SAP130: variants seen among roughly 807,000 people sequenced by gnomAD.
SAP130 encodes the protein Sin3A associated protein 130.
SAP130 carries 16 observed loss-of-function variants against 103.2 expected under a neutral mutation model. The ratio of observed to expected loss-of-function variants is 0.16; its 90% confidence interval spans 0.10 to 0.24. SAP130 has a LOEUF of 0.24. SAP130 is among the 10% of genes least tolerant of loss of function. The pLI, the probability that SAP130 is intolerant of heterozygous loss-of-function variation, is 1.00. For synonymous variants in SAP130, 477 were observed against 497.0 expected, an observed-to-expected ratio of 0.96 and a Z score of 0.53; for missense variants, 990 against 1,359.7, an observed-to-expected ratio of 0.73 and a Z score of 4.28.
At chr2:128,017,937 A>T in intron 2 of SAP130, 22 bp from the exon 3 acceptor site, 2 of 1,573,286 alleles carry the variant, frequency 1.3e-6, no homozygotes, top group African/African-American at 2.7e-5. Context: ...ATTAAGAGTG[A>T]GACAGTATGT....
chr2:127,961,619 C>CAT (rs1197742797), intron 15 of SAP130, among the ~76,000 whole-genome samples: 1 of 150,322 alleles, frequency 6.7e-6, no homozygotes, highest in Admixed American at 6.7e-5. Context: ...AAGACCAATA[C>CAT]AGGTAACAAC....
At chr2:127,966,912 A>T (rs1573682707) in intron 15 of SAP130, among the ~76,000 whole-genome samples, 2 of 152,308 alleles carry the variant, frequency 1.3e-5, no homozygotes, top group South Asian at 2.1e-4. Flanking sequence ...AATTCATATC[A>T]ATCTAGTTTG....
chr2:127,985,885 CGA>C (rs1292641319), intron 14 of SAP130, among the ~76,000 whole-genome samples: 1 of 151,676 alleles, frequency 6.6e-6, no homozygotes, highest in Non-Finnish European at 1.5e-5. Flanking sequence ...AGCTGGACGG[CGA>C]GAGGACAGCA....
In SAP130 at chr2:127,989,491, G is replaced by A. The variant is rs1682635714; in HGVS notation, c.1780+73C>T. ...GAAATTATAAGACGACAAAGCCAGTGGCAGAGAAAGGATTTAAACCCAAAT... is the reference window on the plus strand; with the variant it reads ...GAAATTATAAGACGACAAAGCCAGTAGCAGAGAAAGGATTTAAACCCAAAT... On this transcript the variant is annotated intron_variant, in intron 13 of 20. Transcript: ENST00000643581. This position sits in a 1 kb window ranked among gnomAD's most constrained non-coding sequence, Gnocchi z 4.6. The A allele has an allele frequency of 1.5e-6, 2 of 1,322,328 alleles. No individual in the cohort carries two copies. Among genetic ancestry groups the A allele is most frequent in the Non-Finnish European group, 2.1e-6 (2 of 957,332 alleles). The allele number at this position is 1,322,328 out of a possible 1,614,324, so 81.9% of individuals were successfully genotyped here.
At chr2:127,976,989 T>C (rs1459134855) in intron 15 of SAP130, among the ~76,000 whole-genome samples, 7 of 152,054 alleles carry the variant, frequency 4.6e-5, no homozygotes, top group East Asian at 1.9e-4. Context: ...AGAACTATTA[T>C]CTTGATCATA....
At chr2:127,943,737 C>T (rs1678869880) in intron 19 of SAP130, among the ~76,000 whole-genome samples, 1 of 152,208 alleles carries the variant, frequency 6.6e-6, no homozygotes, top group Admixed American at 6.5e-5. Context: ...CTGTGTGAGT[C>T]AGTGGGTGAG....
chr2:127,999,952 T>G, intron 9 of SAP130, 104 bp downstream of exon 9: 1 of 1,447,160 alleles, frequency 6.9e-7, no homozygotes, highest in South Asian at 1.2e-5. Flanking sequence ...AGAATTTTTC[T>G]AGCCCGTTGT....
In SAP130 at chr2:127,986,662, A is replaced by G; in HGVS notation, c.1958+123T>C. 8.8e-7 allele frequency: 1 copy of G among 1,130,340 alleles called. No homozygotes were observed. The highest frequency in any genetic ancestry group is 1.3e-6 in the Non-Finnish European group (1 of 784,066). 70.0% of individuals were successfully genotyped at this position (1,130,340 alleles called of 1,614,324 possible). ...CTGTGGTCAAGTTGTTTTGGAGGAAATTTTAACACACCACAGAAAATGAGA... is the reference window on the plus strand; with the variant it reads ...CTGTGGTCAAGTTGTTTTGGAGGAAGTTTTAACACACCACAGAAAATGAGA... On this transcript the variant is annotated intron_variant, in intron 14 of 20. Transcript: ENST00000643581. This position sits in a 1 kb window ranked among gnomAD's most constrained non-coding sequence, Gnocchi z 4.7.
In SAP130 at chr2:127,942,316, T is replaced by C. The variant is rs1678765808; in HGVS notation, c.3015+108A>G. The C allele has an allele frequency of 9.3e-7, 1 of 1,079,732 alleles. No individual in the cohort carries two copies. Among genetic ancestry groups the C allele is most frequent in the Non-Finnish European group, 1.4e-6 (1 of 717,664 alleles). The allele number at this position is 1,079,732 out of a possible 1,614,324, so 66.9% of individuals were successfully genotyped here. A position where few individuals can be genotyped will look rare whatever the true frequency, so the allele number is the denominator to read the frequency against. ...TCAGGAGTGCAGGCTGAAGCACGTA[T>C]GTTTTTACTGAAGATATGAGGGAGA... On this transcript the variant is annotated intron_variant, in intron 20 of 20. Coordinates refer to ENST00000643581, the MANE Select transcript of SAP130 (RefSeq NM_001330301.2). The surrounding 1 kb of genome is among the most constrained non-coding windows in gnomAD (Gnocchi z 4.8).
rs372594553 is a variant in SAP130, at chr2:127,996,392, G to A, written c.1313C>T (p.Ala438Val). The change falls in exon 11 of 21, where the codon GCC (alanine) becomes GTC (valine). Residue 438 changes from alanine to valine, a missense_variant. Transcript: ENST00000643581. The surrounding 1 kb of genome is among the most constrained non-coding windows in gnomAD (Gnocchi z 4.3). ...TTCCATGGCCACAGGATTGGGAGAGGCCCGATGTCCGGAGATGGGAATCAG... is the reference window on the plus strand; with the variant it reads ...TTCCATGGCCACAGGATTGGGAGAGACCCGATGTCCGGAGATGGGAATCAG... The part of the protein sequence containing the change: ...SSLIPISGHR[A>V]SPNPVAMETR... The A allele has an allele frequency of 1.6e-5, 25 of 1,611,666 alleles. No individual in the cohort carries two copies. Among genetic ancestry groups the A allele is most frequent in the Non-Finnish European group, 2.0e-5 (24 of 1,179,040 alleles).
In SAP130 at chr2:127,945,769, C is replaced by T. The variant is rs1332666184; in HGVS notation, c.2798-210G>A. ...CTAGGCTCAAATGATTCTCCCACTT[C>T]GGCCTCCCAAGTAGCTGGGACTACA... On this transcript the variant is annotated intron_variant, in intron 18 of 20. Transcript: ENST00000643581. Among the ~76,000 whole-genome samples the T allele has an allele frequency of 2.0e-5, 3 of 152,110 alleles. 1 individual carries two copies. The highest frequency in any genetic ancestry group is 4.4e-5 in the Non-Finnish European group (3 of 68,020).
intron 15 of SAP130, among the ~76,000 whole-genome samples, chr2:127,957,709 TAA>T (rs1679944148): frequency 6.6e-6 from 1 of 151,782 alleles, no homozygotes; most frequent in South Asian, 2.1e-4. Flanking sequence ...GGCAAAATAT[TAA>T]AAGTTACATA....
At chr2:127,995,607 C>CA (rs1237618480) in intron 11 of SAP130, among the ~76,000 whole-genome samples, 1 of 152,134 alleles carries the variant, frequency 6.6e-6, no homozygotes, top group African/African-American at 2.4e-5. Context: ...CACTATTTTG[C>CA]AACTATCATA....
chr2:127,993,754 AT>A (rs1682978000), intron 11 of SAP130, among the ~76,000 whole-genome samples: 1 of 152,076 alleles, frequency 6.6e-6, no homozygotes, highest in Non-Finnish European at 1.5e-5. Flanking sequence ...ATTTATTTTT[AT>A]TTTTTTAGAG....
Position 128,010,284 on chromosome 2 carries a change from G to A in SAP130, c.854C>T (p.Thr285Ile), listed in dbSNP as rs1684293871. Residue 285 changes from threonine (T) to isoleucine (I), a missense_variant, in exon 7 of 21, where the codon ACT (threonine) becomes ATT (isoleucine). Thr to Ile is a moderately conservative substitution (Grantham distance 89). Coordinates refer to ENST00000643581, the MANE Select transcript of SAP130 (RefSeq NM_001330301.2). ...CCATGTATACCTAAGTGCTGAATCA[G>A]TAGCATGCGCCGCTGTCGTAGTGAT... Reference protein sequence around the residue: ...PVITTTAAHATDSALSRPTLS... With the variant: ...PVITTTAAHAIDSALSRPTLS... 1.2e-6 allele frequency: 2 copies of A among 1,613,688 alleles called. No individual in the cohort carries two copies. The highest frequency in any genetic ancestry group is 1.7e-6 in the Non-Finnish European group (2 of 1,179,980).
Position 128,000,080 on chromosome 2 carries a change from T to C in SAP130, c.1084A>G (p.Thr362Ala), listed in dbSNP as rs1683445892. The change falls in exon 9 of 21, where the codon ACC (threonine) becomes GCC (alanine). Residue 362 changes from threonine (T) to alanine (A), a missense_variant. Coordinates refer to ENST00000643581, the MANE Select transcript of SAP130 (RefSeq NM_001330301.2). ...CCAGCTGTGGTCGCTGAAGGAATGGTGTTGGTTGCCAAAATAGGTGCTACT... is the reference window on the plus strand; with the variant it reads ...CCAGCTGTGGTCGCTGAAGGAATGGCGTTGGTTGCCAAAATAGGTGCTACT... ...ATVAPILATN[T>A]IPSATTAGSV... 3 of 1,613,956 alleles carry C rather than the reference T, an allele frequency of 1.9e-6. No homozygotes were observed. Among genetic ancestry groups the C allele is most frequent in the Non-Finnish European group, 2.5e-6 (3 of 1,179,994 alleles).
At chr2:128,015,652 G>A (rs763195847) in intron 4 of SAP130, among the ~76,000 whole-genome samples, 2 of 152,012 alleles carry the variant, frequency 1.3e-5, no homozygotes, top group African/African-American at 4.8e-5. Context: ...ATAAATGTTC[G>A]CAACTAAGGC....
chr2:127,992,085 CCTTAG>C, intron 12 of SAP130, among the ~76,000 whole-genome samples: 1 of 152,058 alleles, frequency 6.6e-6, no homozygotes, highest in Non-Finnish European at 1.5e-5. Context: ...AATCCTCCCA[CCTTAG>C]CTTCCTTAGT....
chr2:128,013,119 C>T lies in SAP130; in HGVS notation c.655G>A (p.Val219Ile). 6.2e-7 allele frequency: 1 copy of T among 1,612,132 alleles called. No homozygotes were observed. The highest frequency in any genetic ancestry group is 1.1e-5 in the South Asian group (1 of 90,842). The change falls in exon 6 of 21, where the codon GTA becomes ATA. Residue 219 changes from valine (V) to isoleucine (I), a missense_variant. Physicochemically the swap from Val to Ile is conservative, Grantham distance 29. This residue lies in a region of SAP130 where 336 missense variants were observed against 520.1 expected (regional missense o/e 0.65). Transcript: ENST00000643581. ...AAAAVMSSSK[V>I]TTVLRPTSQL... ...GAGGTCGGCCTCAGGACTGTGGTTA[C>T]TTTAGAACTGGACATCACAGCAGCA... is the stretch of plus-strand genomic sequence containing the variant.
Sources: allele counts gnomAD v4.1 joint callset (sites outside exome capture counted in the v4.1 genomes callset), GRCh38; gene constraint gnomAD v4.1.1; regional missense constraint gnomAD v4.1.1; non-coding constraint Gnocchi (gnomAD v3.1); transcripts MANE v1.5; gene names NCBI Gene and HGNC (gene_info 2026-07-23, HGNC 2026-07-21).